The following UNC5C variants were observed in gnomAD, a reference collection of about 807,000 sequenced individuals.
UNC5C encodes unc-5 netrin receptor C, also known as netrin receptor UNC5C.
A neutral mutation model predicts 99.8 loss-of-function variants in UNC5C; 47 were observed. That is an observed-to-expected ratio of 0.47 (90% CI 0.37 to 0.60). UNC5C has a LOEUF of 0.60. Ranked by LOEUF, UNC5C falls within the 20% of genes least tolerant of loss-of-function variation. The pLI is 0.00. For missense variants in UNC5C, 1,062 were observed against 1,165.9 expected (o/e 0.91, Z 1.30); for synonymous variants, 487 against 452.2 (o/e 1.08, Z -0.98).
intron 4 of UNC5C, among the ~76,000 whole-genome samples, chr4:95,256,699 A>AATATATATATATATATATAT (rs377553615): frequency 2.8e-4 from 25 of 90,672 alleles, no homozygotes; most frequent in African/African-American, 8.6e-4. Flanking sequence ...GAACTAAATA[A>AATATATATATATATATATAT]ATATATATAT....
At chr4:95,495,633 T>C (rs879935743) in intron 1 of UNC5C, among the ~76,000 whole-genome samples, 1 of 151,718 alleles carries the variant, frequency 6.6e-6, no homozygotes, top group Non-Finnish European at 1.5e-5. Flanking sequence ...CCATATTTTA[T>C]GGATAAGGAG....
At chr4:95,260,117 T>C (rs1327586760) in intron 4 of UNC5C, among the ~76,000 whole-genome samples, 1 of 152,194 alleles carries the variant, frequency 6.6e-6, no homozygotes, top group Admixed American at 6.5e-5. Context: ...CTGTCCCCCA[T>C]CTTTTTCCTC....
Position 95,168,931 on chromosome 4 carries a change from C to T in UNC5C, c.*303G>A, listed in dbSNP as rs1217590708. The T allele has an allele frequency of 1.1e-5, 3 of 263,170 alleles. No homozygotes were observed. Among genetic ancestry groups the T allele is most frequent in the African/African-American group, 2.2e-5 (1 of 45,980 alleles). 16.3% of individuals were successfully genotyped at this position (263,170 alleles called of 1,614,324 possible). ...CATATATCTGGATAGCAATAAAAAG[C>T]GTTTCCTAGGAAACTGTAAGATCCT... is the stretch of plus-strand genomic sequence containing the variant. On this transcript the variant is annotated 3_prime_UTR_variant, in exon 16 of 16. Transcript: ENST00000453304.
chr4:95,439,904 T>C (rs1182748997), intron 1 of UNC5C, among the ~76,000 whole-genome samples: 1 of 152,080 alleles, frequency 6.6e-6, no homozygotes, highest in Non-Finnish European at 1.5e-5. Context: ...TTCCTAGAGG[T>C]TGAAATGTTA....
Position 95,335,646 on chromosome 4 carries a change from G to T in UNC5C, c.125-15C>A, listed in dbSNP as rs1743309083. The T allele has an allele frequency of 6.3e-7, 1 of 1,593,546 alleles. No homozygotes were observed. Among genetic ancestry groups the T allele is most frequent in the Non-Finnish European group, 8.6e-7 (1 of 1,169,376 alleles). ...AAAGTCATCATCTGAGAAAGAAGAA[G>T]AAAGTGGAAGATGGTTAACACATTG... On this transcript the variant is annotated splice_polypyrimidine_tract_variant and intron_variant, in intron 1 of 15. Transcript: ENST00000453304.
rs145238823 is a variant in UNC5C at position 95,513,708 on chromosome 4, C to T, written c.124+35026G>A. Reference sequence around the variant, plus strand: ...CAGGTGAAGGAGGGGCAGGCATTAACGCAACAGCTTTAGAGCAGGCTGGCA... The same window carrying T: ...CAGGTGAAGGAGGGGCAGGCATTAATGCAACAGCTTTAGAGCAGGCTGGCA... On this transcript the variant is annotated intron_variant, in intron 1 of 15. Transcript: ENST00000453304. Among the ~76,000 whole-genome samples, 19 of 152,230 alleles carry T rather than the reference C, an allele frequency of 1.2e-4. No individual in the cohort carries two copies. The East Asian group carries it at 1.9e-3, about 15-fold the overall frequency.
chr4:95,543,215 A>G (rs1480177932), intron 1 of UNC5C, among the ~76,000 whole-genome samples: 2 of 152,176 alleles, frequency 1.3e-5, no homozygotes, highest in African/African-American at 4.8e-5. Flanking sequence ...TAAAAAAGAA[A>G]GAGTGCAGAA....
chr4:95,296,960 A>G (rs1427232875), intron 3 of UNC5C, among the ~76,000 whole-genome samples: 1 of 152,168 alleles, frequency 6.6e-6, no homozygotes, highest in Non-Finnish European at 1.5e-5. Context: ...GTTGACGGTG[A>G]AAGTCTCAGC....
At chr4:95,464,176 A>G (rs1469394251) in intron 1 of UNC5C, among the ~76,000 whole-genome samples, 1 of 152,194 alleles carries the variant, frequency 6.6e-6, no homozygotes, top group Non-Finnish European at 1.5e-5. Context: ...CGATTTGGAA[A>G]CTATTGATAC....
chr4:95,203,008 G>A (rs376376291), intron 11 of UNC5C, 44 bp from the exon 12 acceptor site: 153 of 1,592,000 alleles, frequency 9.6e-5, no homozygotes, highest in South Asian at 5.3e-4. Flanking sequence ...CACCCAGGAC[G>A]CATGCCGGCC....
intron 1 of UNC5C, among the ~76,000 whole-genome samples, chr4:95,342,093 A>G (rs1334671359): frequency 6.6e-6 from 1 of 152,154 alleles, no homozygotes; most frequent in East Asian, 1.9e-4. Flanking sequence ...CACAAAGACT[A>G]CAATTCTTGG....
chr4:95,331,473 T>C (rs1437817651), intron 2 of UNC5C, among the ~76,000 whole-genome samples: 4 of 152,134 alleles, frequency 2.6e-5, no homozygotes, highest in Non-Finnish European at 5.9e-5. Context: ...TACATGAGTC[T>C]AGTATGTCAG....
At chr4:95,213,107 C>T (rs185642585) in intron 10 of UNC5C, among the ~76,000 whole-genome samples, 68 of 152,306 alleles carry the variant, frequency 4.5e-4, no homozygotes, top group Non-Finnish European at 7.2e-4. Flanking sequence ...TGGCTCCCTG[C>T]GGTTTACAGA....
chr4:95,400,381 A>ATTTTTTT (rs1553969357), intron 1 of UNC5C, among the ~76,000 whole-genome samples: 3 of 97,634 alleles, frequency 3.1e-5, no homozygotes, highest in African/African-American at 8.3e-5. Context: ...AGTGAGATGA[A>ATTTTTTT]TTCTTTTTTT....
chr4:95,543,652 C>G (rs1278719766), intron 1 of UNC5C, among the ~76,000 whole-genome samples: 2 of 152,088 alleles, frequency 1.3e-5, no homozygotes, highest in East Asian at 3.9e-4. Context: ...TTCCCCAAAC[C>G]CTTATCAGAA....
chr4:95,329,335 C>T (rs1174946633), intron 2 of UNC5C, among the ~76,000 whole-genome samples: 2 of 152,066 alleles, frequency 1.3e-5, no homozygotes, highest in African/African-American at 4.8e-5. Context: ...TAGGGATAAA[C>T]AGTCCCTGCT....
At chr4:95,342,402 G>A (rs112908772) in intron 1 of UNC5C, among the ~76,000 whole-genome samples, 20 of 152,166 alleles carry the variant, frequency 1.3e-4, no homozygotes, top group African/African-American at 4.6e-4. Context: ...TTCTAGAGCC[G>A]CTTTGGGCCA....
intron 1 of UNC5C, among the ~76,000 whole-genome samples, chr4:95,532,908 T>TAAAAAAA (rs201644746): frequency 7.3e-6 from 1 of 136,844 alleles, no homozygotes. Context: ...TTAGTAAAGC[T>TAAAAAAA]AAAAAAAAAA....
chr4:95,199,564 CT>C (rs1156901203), intron 12 of UNC5C, among the ~76,000 whole-genome samples: 1 of 152,156 alleles, frequency 6.6e-6, no homozygotes, highest in Non-Finnish European at 1.5e-5. Flanking sequence ...GTTCATCACT[CT>C]TTCTCACTAT....
Sources: gnomAD v4.1 joint callset for allele counts (sites outside exome capture counted in the v4.1 genomes callset) on GRCh38, gnomAD v4.1.1 for gene constraint, MANE v1.5 for transcripts, NCBI Gene and HGNC (gene_info 2026-07-23, HGNC 2026-07-21) for gene names.